NCOA2: variants seen among roughly 807,000 people sequenced by gnomAD.
NCOA2 encodes the protein nuclear receptor coactivator 2.
NCOA2 carries 21 observed loss-of-function variants against 145.1 expected under a neutral mutation model. The observed-to-expected ratio is 0.14, with a 90% CI of 0.10 to 0.21. The LOEUF is 0.21. Among genes scored for constraint, NCOA2 ranks in the 10% least tolerant of loss-of-function variants. NCOA2 has a pLI of 1.00. For missense variants in NCOA2, 1,472 were observed against 1,837.6 expected (o/e 0.80, Z 3.64); for synonymous variants, 619 against 637.5 (o/e 0.97, Z 0.44).
intron 4 of NCOA2, among the ~76,000 whole-genome samples, chr8:70,176,601 A>G (rs1246155362): frequency 6.6e-6 from 1 of 152,070 alleles, no homozygotes; most frequent in African/African-American, 2.4e-5. Context: ...AATCTTTTTC[A>G]TTGCCAAATA....
At chr8:70,408,077 A>G (rs1001612158), upstream of NCOA2, among the ~76,000 whole-genome samples, 4 of 152,088 alleles carry the variant, frequency 2.6e-5, no homozygotes, top group South Asian at 2.1e-4. Flanking sequence ...GCAAAAACAA[A>G]TATTAATACA....
intron 2 of NCOA2, among the ~76,000 whole-genome samples, chr8:70,230,307 C>T (rs1227432070): frequency 6.6e-6 from 1 of 152,070 alleles, no homozygotes; most frequent in Admixed American, 6.6e-5. Context: ...TTGGTGGCTG[C>T]CAAGGGCTGG....
At chr8:70,352,641 T>C (rs1445681270) in intron 1 of NCOA2, among the ~76,000 whole-genome samples, 1 of 152,208 alleles carries the variant, frequency 6.6e-6, no homozygotes, top group Admixed American at 6.5e-5. Flanking sequence ...GTAAACACCA[T>C]GTAGTTAAGA....
At chr8:70,207,862 C>CAAAAAAAAAAAAAAAA (rs754670876) in intron 4 of NCOA2, among the ~76,000 whole-genome samples, 3 of 36,186 alleles carry the variant, frequency 8.3e-5, no homozygotes, top group African/African-American at 3.3e-4. Flanking sequence ...GACTCCACCT[C>CAAAAAAAAAAAAAAAA]AAAAAAAAAA....
At chr8:70,133,699 A>G (rs530831619) in intron 15 of NCOA2, among the ~76,000 whole-genome samples, 17 of 152,252 alleles carry the variant, frequency 1.1e-4, no homozygotes, top group Non-Finnish European at 2.5e-4. Flanking sequence ...GAGCAAACTC[A>G]TTCTTAAGCA....
At chr8:70,185,614 G>A (rs865811903) in intron 4 of NCOA2, among the ~76,000 whole-genome samples, 4 of 152,156 alleles carry the variant, frequency 2.6e-5, no homozygotes, top group East Asian at 1.9e-4. Flanking sequence ...CATGGGGCAC[G>A]TGGTGGGGTG....
rs192410056 is a variant in NCOA2 at position 70,361,781 on chromosome 8, T to G, written c.-77+41919A>C. Among the ~76,000 whole-genome samples, 3 of 152,350 alleles carry G rather than the reference T, an allele frequency of 2.0e-5. No homozygotes were observed. The East Asian group carries it at 5.8e-4, about 29-fold the overall frequency. On this transcript the variant is annotated intron_variant, in intron 1 of 22. Coordinates refer to ENST00000452400, the MANE Select transcript of NCOA2 (RefSeq NM_006540.4). ...AATGGAATGCCAATACTTACGACGC[T>G]CAATCATTTATCTAAATGGGCTAAA...
intron 1 of NCOA2, among the ~76,000 whole-genome samples, chr8:70,397,249 C>G (rs992537772): frequency 3.3e-5 from 5 of 152,054 alleles, no homozygotes; most frequent in African/African-American, 1.2e-4. Flanking sequence ...GTCAGGAGTT[C>G]AGGACCAGCC....
intron 1 of NCOA2, among the ~76,000 whole-genome samples, chr8:70,300,514 C>T (rs1449105651): frequency 6.6e-6 from 1 of 152,162 alleles, no homozygotes; most frequent in African/African-American, 2.4e-5. Flanking sequence ...TGGAGTAACA[C>T]CTCACGAGTC....
chr8:70,268,105 A>G (rs1016168279), intron 2 of NCOA2, among the ~76,000 whole-genome samples: 2 of 152,176 alleles, frequency 1.3e-5, no homozygotes, highest in African/African-American at 4.8e-5. Context: ...GCTGCTTTTA[A>G]AATCAACTTT....
rs1349671672 is a variant in NCOA2 at position 70,296,815 on chromosome 8, A to G, written c.-76-15T>C. 6.6e-6 allele frequency: 1 copy of G among 152,216 alleles called. No individual in the cohort carries two copies. Among genetic ancestry groups the G allele is most frequent in the Non-Finnish European group, 1.5e-5 (1 of 68,042 alleles). 9.4% of individuals were successfully genotyped at this position (152,216 alleles called of 1,614,324 possible). On this transcript the variant is annotated splice_polypyrimidine_tract_variant and intron_variant, in intron 1 of 22. Coordinates refer to ENST00000452400, the MANE Select transcript of NCOA2 (RefSeq NM_006540.4). ...CCAAGAGAAATCTGTAATATAAACA[A>G]ACAAATAAACGTGAATAAAATCTGC...
chr8:70,313,771 G>C (rs1301014136), intron 1 of NCOA2, among the ~76,000 whole-genome samples: 1 of 152,080 alleles, frequency 6.6e-6, no homozygotes, highest in Non-Finnish European at 1.5e-5. Context: ...TCCTTAAAAT[G>C]TTTATACAAG....
intron 1 of NCOA2, among the ~76,000 whole-genome samples, chr8:70,369,252 T>C (rs1460516832): frequency 6.6e-6 from 1 of 152,212 alleles, no homozygotes; most frequent in Non-Finnish European, 1.5e-5. Flanking sequence ...AGTTTAAACA[T>C]ACGAAACATT....
intron 2 of NCOA2, among the ~76,000 whole-genome samples, chr8:70,218,655 C>A (rs1014177750): frequency 1.3e-5 from 2 of 152,160 alleles, no homozygotes; most frequent in African/African-American, 4.8e-5. Flanking sequence ...ACTTTCAGTA[C>A]TTCTCTCTGA....
chr8:70,303,979 A>C (rs1393304029), intron 1 of NCOA2, among the ~76,000 whole-genome samples: 1 of 152,100 alleles, frequency 6.6e-6, no homozygotes, highest in South Asian at 2.1e-4. Context: ...TAGTGTGGAT[A>C]ATTTTTAGAT....
At chr8:70,328,674 C>T (rs1380498917) in intron 1 of NCOA2, among the ~76,000 whole-genome samples, 1 of 152,118 alleles carries the variant, frequency 6.6e-6, no homozygotes, top group African/African-American at 2.4e-5. Context: ...TTCATCTGTA[C>T]ACACAGAATA....
chr8:70,451,217 C>CAAAAAAAAAA, the NCOA2 span, among the ~76,000 whole-genome samples: 3 of 65,338 alleles, frequency 4.6e-5, no homozygotes, highest in African/African-American at 1.4e-4. Context: ...GACTCCGTCT[C>CAAAAAAAAAA]AAAAAAAAAA....
At chr8:70,274,673 C>G (rs750899320) in intron 2 of NCOA2, among the ~76,000 whole-genome samples, 1 of 152,290 alleles carries the variant, frequency 6.6e-6, no homozygotes, top group East Asian at 1.9e-4. Flanking sequence ...AATATTTATT[C>G]TCATATTTAG....
chr8:70,423,690 C>CA, the NCOA2 span, among the ~76,000 whole-genome samples: 1 of 152,172 alleles, frequency 6.6e-6, no homozygotes, highest in Non-Finnish European at 1.5e-5. Context: ...CACATGTCAC[C>CA]ACCCAGTGAG....
Sources: gnomAD v4.1 joint callset for allele counts (sites outside exome capture counted in the v4.1 genomes callset) on GRCh38, gnomAD v4.1.1 for gene constraint, MANE v1.5 for transcripts, NCBI Gene and HGNC (gene_info 2026-07-23, HGNC 2026-07-21) for gene names.